RAD52: variants seen among roughly 807,000 people sequenced by gnomAD.
RAD52 encodes the protein RAD52 DNA repair protein.
A neutral mutation model predicts 55.5 loss-of-function variants in RAD52; 47 were observed. That is an observed-to-expected ratio of 0.85 (90% CI 0.67 to 1.08). The LOEUF is 1.08. Among genes scored for constraint, RAD52 ranks in the 50% least tolerant of loss-of-function variants. RAD52 has a pLI of 0.00. For synonymous variants in RAD52, 184 were observed against 198.9 expected (o/e 0.92, Z 0.63); for missense variants, 468 against 522.8 (o/e 0.90, Z 1.02).
intron 1 of RAD52, among the ~76,000 whole-genome samples, chr12:943,227 T>G (rs7311263): frequency 0.26 from 39,746 of 152,080 alleles, 5,374 homozygotes; most frequent in East Asian, 0.37. Context: ...GGAAACAGGC[T>G]GATAAAACCA....
chr12:948,732 C>T (rs1452515916), intron 1 of RAD52, among the ~76,000 whole-genome samples: 1 of 151,782 alleles, frequency 6.6e-6, no homozygotes, highest in Non-Finnish European at 1.5e-5. Flanking sequence ...TGGATTCTCG[C>T]TCTGTCCCCC....
chr12:918,665 C>T lies in RAD52; in HGVS notation c.544-1845G>A, dbSNP rs1170755012. On this transcript the variant is annotated intron_variant, in intron 7 of 11. Coordinates refer to ENST00000358495, the MANE Select transcript of RAD52 (RefSeq NM_134424.4). Reference sequence around the variant, plus strand: ...GCTCAAGCAATCCTTCTTCCTTGGCCTCTCAAGTGGTGGGATTACAGGAGT... The same window carrying T: ...GCTCAAGCAATCCTTCTTCCTTGGCTTCTCAAGTGGTGGGATTACAGGAGT... 1.1e-4 allele frequency among the ~76,000 whole-genome samples: 16 copies of T among 152,238 alleles called. No individual in the cohort carries two copies. The East Asian group carries it at 3.1e-3, about 29-fold the overall frequency.
chr12:983,925 A>T (rs1959052947), intron 1 of RAD52, among the ~76,000 whole-genome samples: 1 of 152,210 alleles, frequency 6.6e-6, no homozygotes, highest in African/African-American at 2.4e-5. Context: ...GGAGGAATAT[A>T]CTTCAGTCTT....
At chr12:974,698 ATACT>A (rs1419453001) in intron 1 of RAD52, 1 of 152,208 alleles carries the variant, frequency 6.6e-6, no homozygotes, top group African/African-American at 2.4e-5. Flanking sequence ...ACCTCATCAA[ATACT>A]TACTACATAC....
At position 924,947 on chromosome 12, in the gene RAD52, A is replaced by ATT. The variant is rs10708242; in HGVS notation, c.543+501_543+502dup. 3.6e-4 allele frequency among the ~76,000 whole-genome samples: 38 copies of ATT among 105,590 alleles called. 1 individual carries two copies. The highest frequency in any genetic ancestry group is 3.1e-3 in the South Asian group (10 of 3,224). 69.3% of individuals were successfully genotyped at this position (105,590 alleles called of 152,430 possible). A position where few individuals can be genotyped will look rare whatever the true frequency, so the allele number is the denominator to read the frequency against. On this transcript the variant is annotated intron_variant, in intron 7 of 11. Coordinates refer to ENST00000358495, the MANE Select transcript of RAD52 (RefSeq NM_134424.4). Reference sequence around the variant, plus strand: ...CCTCACATTCTTGTCAAATGGTGTGATTTTTTTTTTTTTTTTTTTTGGAGA... The same window carrying ATT: ...CCTCACATTCTTGTCAAATGGTGTGATTTTTTTTTTTTTTTTTTTTTTGGAGA...
chr12:975,306 A>C (rs1261349566), intron 1 of RAD52: 1 of 152,152 alleles, frequency 6.6e-6, no homozygotes, highest in East Asian at 1.9e-4. Flanking sequence ...GTAAACCTTC[A>C]TGTGGCAAAT....
intron 1 of RAD52, among the ~76,000 whole-genome samples, chr12:964,692 C>T (rs1958733818): frequency 6.6e-6 from 1 of 152,046 alleles, no homozygotes; most frequent in Non-Finnish European, 1.5e-5. Context: ...GATCCTCTCA[C>T]CTCAGCTTCC....
At chr12:949,888 CCTG>C (rs1365924108), upstream of RAD52, among the ~76,000 whole-genome samples, 1 of 152,198 alleles carries the variant, frequency 6.6e-6, no homozygotes. Flanking sequence ...AGCCGCTCGC[CCTG>C]CCGCTTCCCT....
intron 1 of RAD52, among the ~76,000 whole-genome samples, chr12:978,553 C>T (rs1175758119): frequency 3.3e-5 from 5 of 152,070 alleles, no homozygotes; most frequent in African/African-American, 7.2e-5. Flanking sequence ...GTAATCCTAG[C>T]ATTTTGGGAG....
rs761030554 is a variant in RAD52, at chr12:914,448, A to C, written c.950T>G (p.Val317Gly). Residue 317 changes from valine to glycine, a missense_variant, in exon 10 of 12, where the codon GTG becomes GGG. Coordinates refer to ENST00000358495, the MANE Select transcript of RAD52 (RefSeq NM_134424.4). ...PLLEKDFLAG[V>G]TQELIKTLED... ...GTATTTACTGATTAATTCTTGAGTCACTCCTGCAAGGAAGTCTTTCTCCAG... is the reference window on the plus strand; with the variant it reads ...GTATTTACTGATTAATTCTTGAGTCCCTCCTGCAAGGAAGTCTTTCTCCAG... 51 of 1,613,668 alleles carry C rather than the reference A, an allele frequency of 3.2e-5. No individual in the cohort carries two copies. The highest frequency in any genetic ancestry group is 4.2e-5 in the Non-Finnish European group (49 of 1,179,900).
intron 1 of RAD52, among the ~76,000 whole-genome samples, chr12:946,787 T>C (rs1459377423): frequency 8.5e-5 from 13 of 152,176 alleles, no homozygotes; most frequent in Non-Finnish European, 8.8e-5. Context: ...TGGGAAAGCA[T>C]ACAGTGGGTG....
At chr12:926,907 A>G (rs1957067455) in intron 6 of RAD52, 2 of 1,536,948 alleles carry the variant, frequency 1.3e-6, no homozygotes, top group South Asian at 2.4e-5. Context: ...CGGAGAAGAG[A>G]GAGTACAGGA....
chr12:968,696 T>C (rs1958801602), intron 1 of RAD52, among the ~76,000 whole-genome samples: 1 of 152,010 alleles, frequency 6.6e-6, no homozygotes, highest in Admixed American at 6.5e-5. Context: ...AAGCTTCAAC[T>C]CATTGTGGGA....
Position 931,207 on chromosome 12 carries a change from T to C in RAD52, c.186+13A>G, listed in dbSNP as rs7303748. ...TATGGATGCCTGCTTTCCAGGCACA[T>C]GAATTCTCCTACCTTCTGGCCTCCG... On this transcript the variant is annotated intron_variant, in intron 3 of 11. Transcript: ENST00000358495. 881,860 of 1,605,620 alleles carry C rather than the reference T, an allele frequency of 0.55. 244,381 individuals carry two copies. Among genetic ancestry groups the C allele is most frequent in the Middle Eastern group, 0.73 (4,419 of 6,042 alleles).
intron 1 of RAD52, among the ~76,000 whole-genome samples, chr12:966,634 C>T (rs1958774464): frequency 6.6e-6 from 1 of 151,644 alleles, no homozygotes; most frequent in Non-Finnish European, 1.5e-5. Flanking sequence ...TCAACTTTTT[C>T]CCTTTTTTCC....
intron 1 of RAD52, among the ~76,000 whole-genome samples, chr12:983,070 G>A (rs1032693377): frequency 3.3e-5 from 5 of 150,530 alleles, no homozygotes; most frequent in African/African-American, 7.5e-5. Flanking sequence ...GGCTGGTCTC[G>A]AACTCTTGAT....
At chr12:934,973 G>A (rs1957536588) in intron 1 of RAD52, among the ~76,000 whole-genome samples, 1 of 152,002 alleles carries the variant, frequency 6.6e-6, no homozygotes, top group Non-Finnish European at 1.5e-5. Flanking sequence ...AAATTAGCCG[G>A]ATGTGGTGGC....
chr12:923,146 C>T (rs1956827911), intron 7 of RAD52, among the ~76,000 whole-genome samples: 1 of 151,888 alleles, frequency 6.6e-6, no homozygotes, highest in African/African-American at 2.4e-5. Flanking sequence ...GCAGGAGCCA[C>T]AGCGCCTAAC....
At chr12:915,536 G>A (rs1357861726) in intron 9 of RAD52, among the ~76,000 whole-genome samples, 5 of 152,200 alleles carry the variant, frequency 3.3e-5, no homozygotes, top group African/African-American at 1.2e-4. Flanking sequence ...GGATGGGCAG[G>A]AGAGAACAGG....
Sources: allele counts gnomAD v4.1 joint callset (sites outside exome capture counted in the v4.1 genomes callset), GRCh38; gene constraint gnomAD v4.1.1; transcripts MANE v1.5; gene names NCBI Gene and HGNC (gene_info 2026-07-23, HGNC 2026-07-21).